MSRA: variants seen among roughly 807,000 people sequenced by gnomAD.
MSRA encodes methionine sulfoxide reductase A, also known as mitochondrial peptide methionine sulfoxide reductase.
A neutral mutation model predicts 31.3 loss-of-function variants in MSRA; 54 were observed. The ratio of observed to expected loss-of-function variants is 1.73; its 90% confidence interval spans 1.39 to 2.17. The LOEUF (loss-of-function observed/expected upper bound fraction) is 2.17, where lower values mean the gene tolerates loss of function less well. MSRA is among the 30% of genes most tolerant of loss of function. The pLI is 0.00. For synonymous variants in MSRA, 169 were observed against 116.5 expected, an observed-to-expected ratio of 1.45 and a Z score of -2.90; for missense variants, 507 against 300.9, an observed-to-expected ratio of 1.69 and a Z score of -5.07.
chr8:10,094,448 G>A (rs1430811213), intron 1 of MSRA, among the ~76,000 whole-genome samples: 1 of 152,194 alleles, frequency 6.6e-6, no homozygotes, highest in Non-Finnish European at 1.5e-5. Context: ...TATGCAATTA[G>A]GATGAAGGTA....
chr8:10,140,778 T>TA (rs1416668653), intron 1 of MSRA, among the ~76,000 whole-genome samples: 2 of 151,900 alleles, frequency 1.3e-5, no homozygotes, highest in East Asian at 1.9e-4. Flanking sequence ...TACTTTGCTT[T>TA]AAAAAAATAA....
intron 3 of MSRA, among the ~76,000 whole-genome samples, chr8:10,298,971 G>A (rs949995370): frequency 2.6e-5 from 4 of 152,098 alleles, no homozygotes; most frequent in Admixed American, 1.3e-4. Context: ...ACATACACCC[G>A]TGGGGTTTCA....
intron 5 of MSRA, among the ~76,000 whole-genome samples, chr8:10,424,337 A>G (rs542891264): frequency 6.6e-6 from 1 of 152,220 alleles, no homozygotes; most frequent in South Asian, 2.1e-4. Flanking sequence ...TGAATCAGGG[A>G]GAAGGGCCTG....
intron 1 of MSRA, among the ~76,000 whole-genome samples, chr8:10,150,697 A>G (rs971253655): frequency 7.9e-5 from 12 of 152,128 alleles, no homozygotes; most frequent in African/African-American, 2.9e-4. Context: ...TTTGACTTAT[A>G]TGAAAACAGC....
At chr8:10,310,894 A>G (rs1373410548) in intron 4 of MSRA, among the ~76,000 whole-genome samples, 4 of 152,372 alleles carry the variant, frequency 2.6e-5, no homozygotes, top group East Asian at 1.9e-4. Flanking sequence ...GTCCATTACA[A>G]TTTTATAATC....
At chr8:10,345,016 T>A (rs1049020201) in intron 5 of MSRA, among the ~76,000 whole-genome samples, 5 of 152,086 alleles carry the variant, frequency 3.3e-5, no homozygotes, top group Non-Finnish European at 7.4e-5. Context: ...CAGGGCTCAG[T>A]TGGGAAGATG....
At chr8:10,289,635 T>C (rs568020047) in intron 3 of MSRA, among the ~76,000 whole-genome samples, 1 of 152,358 alleles carries the variant, frequency 6.6e-6, no homozygotes, top group South Asian at 2.1e-4. Context: ...ATGGAGAGTT[T>C]AGAACAGTTT....
chr8:10,054,649 C>A lies in MSRA; in HGVS notation c.133C>A (p.Pro45Thr). 1.3e-6 allele frequency: 2 copies of A among 1,565,664 alleles called. No individual in the cohort carries two copies. Among genetic ancestry groups the A allele is most frequent in the Non-Finnish European group, 1.7e-6 (2 of 1,156,912 alleles). Reference protein sequence around the residue: ...EALPGRKEQTPVAAKHHVNGN... With the variant: ...EALPGRKEQTTVAAKHHVNGN... ...CTTGCCGGGCCGGAAGGAACAGACC[C>A]CTGTAGCGGGTAAGCACTGGCCACA... Residue 45 changes from proline to threonine, a missense_variant, in exon 1 of 6, where the codon CCT becomes ACT. Pro to Thr is a conservative substitution (Grantham distance 38). Transcript: ENST00000317173.
intron 1 of MSRA, among the ~76,000 whole-genome samples, chr8:10,138,879 A>G (rs34990153): frequency 0.33 from 50,704 of 151,990 alleles, 9,585 homozygotes; most frequent in Middle Eastern, 0.5. Context: ...CAGCAGCAGC[A>G]AGACTCACAG....
chr8:10,188,384 AG>A (rs1295135709), intron 1 of MSRA, among the ~76,000 whole-genome samples: 2 of 152,212 alleles, frequency 1.3e-5, no homozygotes, highest in Non-Finnish European at 2.9e-5. Context: ...TCCTCTCATA[AG>A]GTTGTGTTCA....
intron 1 of MSRA, among the ~76,000 whole-genome samples, chr8:10,115,386 A>G (rs571333487): frequency 6.6e-6 from 1 of 152,328 alleles, no homozygotes; most frequent in Admixed American, 6.5e-5. Flanking sequence ...CAGGAACAGT[A>G]AGAATGGCAG....
chr8:10,224,455 G>C (rs1489331527), intron 2 of MSRA, among the ~76,000 whole-genome samples: 1 of 151,662 alleles, frequency 6.6e-6, no homozygotes, highest in African/African-American at 2.4e-5. Flanking sequence ...AAAAGAGCTT[G>C]ATTTTCCTAT....
chr8:10,248,085 TAAAC>T (rs757834146), intron 3 of MSRA, among the ~76,000 whole-genome samples: 9 of 152,016 alleles, frequency 5.9e-5, no homozygotes, highest in South Asian at 2.1e-4. Context: ...AGAAGGAAAA[TAAAC>T]AAACAAACAA....
intron 5 of MSRA, among the ~76,000 whole-genome samples, chr8:10,358,456 C>G (rs1014982618): frequency 6.6e-6 from 1 of 152,048 alleles, no homozygotes; most frequent in East Asian, 1.9e-4. Context: ...GGGTCCCCAA[C>G]CCCCGGTTCT....
intron 2 of MSRA, 27 bp from the exon 3 acceptor site, chr8:10,245,077 C>T: frequency 6.3e-7 from 1 of 1,586,586 alleles, no homozygotes; most frequent in Non-Finnish European, 8.6e-7. Context: ...AATCAGTATC[C>T]TTTTTTTTTC....
intron 1 of MSRA, among the ~76,000 whole-genome samples, chr8:10,163,796 C>A (rs1483445264): frequency 2.0e-5 from 3 of 152,214 alleles, no homozygotes; most frequent in Non-Finnish European, 2.9e-5. Flanking sequence ...GGCCACAGGC[C>A]CTACCCAGAT....
chr8:10,408,231 T>A (rs1034947926), intron 5 of MSRA, among the ~76,000 whole-genome samples: 1 of 152,146 alleles, frequency 6.6e-6, no homozygotes, highest in South Asian at 2.1e-4. Context: ...TACATCTGCA[T>A]AGTGACATTT....
At chr8:10,083,531 T>C (rs1232903627) in intron 1 of MSRA, among the ~76,000 whole-genome samples, 1 of 152,230 alleles carries the variant, frequency 6.6e-6, no homozygotes, top group African/African-American at 2.4e-5. Flanking sequence ...AGAAATCACA[T>C]TTTTTCAAGG....
chr8:10,161,653 A>C (rs71516557), intron 1 of MSRA, among the ~76,000 whole-genome samples: 29,209 of 152,062 alleles, frequency 0.19, 3,259 homozygotes, highest in East Asian at 0.49. Flanking sequence ...TGAAGTGAGA[A>C]CGTGGTGAGC....
Sources: allele counts gnomAD v4.1 joint callset (sites outside exome capture counted in the v4.1 genomes callset), GRCh38; gene constraint gnomAD v4.1.1; transcripts MANE v1.5; gene names NCBI Gene and HGNC (gene_info 2026-07-23, HGNC 2026-07-21).